SPATA9: variants seen among roughly 807,000 people sequenced by gnomAD.
SPATA9 encodes spermatogenesis-associated protein 9.
A neutral mutation model predicts 25.5 loss-of-function variants in SPATA9; 27 were observed. The ratio of observed to expected loss-of-function variants is 1.06; its 90% CI spans 0.78 to 1.46. The LOEUF (loss-of-function observed/expected upper bound fraction) is 1.46. Among genes scored for constraint, SPATA9 ranks in the 40% most tolerant of loss-of-function variants. The pLI is 0.00. For synonymous variants in SPATA9, 102 were observed against 105.7 expected, an observed-to-expected ratio of 0.97 and a Z score of 0.21; for missense variants, 282 against 297.5, an observed-to-expected ratio of 0.95 and a Z score of 0.38.
exon 9 of SPATA9, chr5:95,653,202 G>A: frequency 1.9e-6 from 3 of 1,551,646 alleles, no homozygotes; most frequent in Non-Finnish European, 2.6e-6. Flanking sequence ...TCAGTGACCA[G>A]TTTTTATCTG....
chr5:95,729,786 G>C, the SPATA9 span, among the ~76,000 whole-genome samples: 1 of 152,092 alleles, frequency 6.6e-6, no homozygotes, highest in Admixed American at 6.5e-5. Context: ...ATTTGCAACT[G>C]GCTGATTCCA....
At chr5:95,666,662 C>T (rs774026157) in intron 3 of SPATA9, among the ~76,000 whole-genome samples, 27 of 151,986 alleles carry the variant, frequency 1.8e-4, no homozygotes, top group Non-Finnish European at 1.6e-4. Context: ...CAAAAACAAG[C>T]CAAACTATGC....
chr5:95,688,566 G>A (rs776352102), intron 1 of SPATA9, among the ~76,000 whole-genome samples: 8 of 152,086 alleles, frequency 5.3e-5, no homozygotes, highest in East Asian at 1.9e-4. Flanking sequence ...TGCATTTTAC[G>A]CAATGTAGAT....
intron 2 of SPATA9, among the ~76,000 whole-genome samples, chr5:95,681,294 A>C (rs1160853730): frequency 6.6e-6 from 1 of 152,026 alleles, no homozygotes; most frequent in East Asian, 1.9e-4. Flanking sequence ...ATTTATATTT[A>C]TTTGACATTT....
At chr5:95,694,613 A>T (rs932311083) in intron 1 of SPATA9, among the ~76,000 whole-genome samples, 7 of 152,212 alleles carry the variant, frequency 4.6e-5, no homozygotes, top group Non-Finnish European at 8.8e-5. Context: ...ACTATGTGTG[A>T]ATTTATTTAA....
At chr5:95,731,604 A>C in the SPATA9 span, 1 of 1,593,166 alleles carries the variant, frequency 6.3e-7, no homozygotes. Flanking sequence ...TTGCGGGTGA[A>C]CTCGCCGCCC....
At chr5:95,688,643 A>G (rs574084228) in intron 1 of SPATA9, among the ~76,000 whole-genome samples, 32 of 152,196 alleles carry the variant, frequency 2.1e-4, no homozygotes, top group Non-Finnish European at 3.4e-4. Context: ...GCATGTTCTC[A>G]CTTATAAGTG....
chr5:95,671,056 G>A (rs1003276308), intron 3 of SPATA9, among the ~76,000 whole-genome samples: 2 of 152,132 alleles, frequency 1.3e-5, no homozygotes, highest in African/African-American at 4.8e-5. Context: ...TCTCACTCCA[G>A]CCATACAGAA....
At chr5:95,690,148 A>G (rs1441376275) in intron 1 of SPATA9, among the ~76,000 whole-genome samples, 2 of 152,200 alleles carry the variant, frequency 1.3e-5, no homozygotes, top group Non-Finnish European at 2.9e-5. Context: ...GTTTACCTAT[A>G]TAGCAAACCT....
At chr5:95,709,497 A>G in the SPATA9 span, among the ~76,000 whole-genome samples, 1 of 152,210 alleles carries the variant, frequency 6.6e-6, no homozygotes, top group Non-Finnish European at 1.5e-5. Flanking sequence ...CTACCTGCCC[A>G]GAGCTCTGGG....
At chr5:95,662,733 A>T (rs1049220965) in intron 4 of SPATA9, among the ~76,000 whole-genome samples, 1 of 152,228 alleles carries the variant, frequency 6.6e-6, no homozygotes, top group Admixed American at 6.5e-5. Flanking sequence ...TAGAAAAGCA[A>T]GAAGAGATTT....
intron 3 of SPATA9, among the ~76,000 whole-genome samples, chr5:95,665,634 G>A (rs1422132): frequency 6.6e-6 from 1 of 151,248 alleles, no homozygotes; most frequent in Non-Finnish European, 1.5e-5. Flanking sequence ...TGGACACGTA[G>A]GTTGATTCTA....
At chr5:95,700,666 A>G (rs904795452), upstream of SPATA9, among the ~76,000 whole-genome samples, 1 of 152,094 alleles carries the variant, frequency 6.6e-6, no homozygotes, top group Non-Finnish European at 1.5e-5. Context: ...GGCCTCAGCG[A>G]TCTGCCCACC....
chr5:95,711,871 G>A, the SPATA9 span, among the ~76,000 whole-genome samples: 3 of 152,252 alleles, frequency 2.0e-5, no homozygotes, highest in African/African-American at 7.2e-5. Flanking sequence ...CCGGGAGCTT[G>A]GGTAACAACC....
the SPATA9 span, among the ~76,000 whole-genome samples, chr5:95,726,178 T>G: frequency 6.6e-6 from 1 of 152,244 alleles, no homozygotes; most frequent in Admixed American, 6.5e-5. Context: ...TTAGCAAAAC[T>G]TCATGTGAAT....
chr5:95,686,118 G>A (rs1370862770), upstream of SPATA9, among the ~76,000 whole-genome samples: 1 of 152,114 alleles, frequency 6.6e-6, no homozygotes, highest in Non-Finnish European at 1.5e-5. Flanking sequence ...TATTACAGAC[G>A]TGAGCCACCG....
At chr5:95,711,488 G>A in the SPATA9 span, among the ~76,000 whole-genome samples, 1 of 152,070 alleles carries the variant, frequency 6.6e-6, no homozygotes, top group African/African-American at 2.4e-5. Context: ...CCAAGAAGGG[G>A]GCTGAGCGCT....
At chr5:95,721,460 G>T in the SPATA9 span, among the ~76,000 whole-genome samples, 2 of 152,134 alleles carry the variant, frequency 1.3e-5, no homozygotes, top group Admixed American at 1.3e-4. Context: ...GGGCCTTGTC[G>T]GAGTTGTGAC....
At chr5:95,726,545 T>C in the SPATA9 span, among the ~76,000 whole-genome samples, 402 of 152,342 alleles carry the variant, frequency 2.6e-3, 4 homozygotes, top group African/African-American at 9.3e-3. Flanking sequence ...GCAAGAATGG[T>C]TGTAAATTCA....
Sources: allele counts gnomAD v4.1 joint callset (sites outside exome capture counted in the v4.1 genomes callset), GRCh38; gene constraint gnomAD v4.1.1; transcripts MANE v1.5; gene names NCBI Gene and HGNC (gene_info 2026-07-23, HGNC 2026-07-21).